The following LDLRAD3 variants were observed in gnomAD, a reference collection of about 807,000 sequenced individuals.
The protein encoded by LDLRAD3 is low-density lipoprotein receptor class A domain-containing protein 3.
LDLRAD3 carries 20 observed loss-of-function variants against 29.4 expected under a neutral mutation model. The observed-to-expected ratio is 0.68, with a 90% CI of 0.48 to 0.99. The LOEUF (loss-of-function observed/expected upper bound fraction) is 0.99, where lower values mean the gene tolerates loss of function less well. Ranked by LOEUF, LDLRAD3 falls within the 50% of genes least tolerant of loss-of-function variation. The pLI, the probability that LDLRAD3 is intolerant of heterozygous loss-of-function variation, is 0.00. For missense variants in LDLRAD3, 420 were observed against 454.3 expected, an observed-to-expected ratio of 0.92 and a Z score of 0.69; for synonymous variants, 157 against 192.7, an observed-to-expected ratio of 0.81 and a Z score of 1.53.
chr11:35,993,763 T>C lies in LDLRAD3; in HGVS notation c.47-42340T>C, dbSNP rs189411902. 1.6e-3 allele frequency among the ~76,000 whole-genome samples: 240 copies of C among 151,986 alleles called. 2 individuals are homozygous for C. Among genetic ancestry groups the C allele is most frequent in the African/African-American group, 5.6e-3 (234 of 41,426 alleles). ...GCCCAGATGAGTGGTATATTTTTAATAGGGAGAGGATTCATGAGCTGATTC... is the reference window on the plus strand; with the variant it reads ...GCCCAGATGAGTGGTATATTTTTAACAGGGAGAGGATTCATGAGCTGATTC... On this transcript the variant is annotated intron_variant, in intron 1 of 5. Coordinates refer to ENST00000315571, the MANE Select transcript of LDLRAD3 (RefSeq NM_174902.4).
chr11:36,103,894 G>T (rs117586963), intron 4 of LDLRAD3, among the ~76,000 whole-genome samples: 98 of 152,262 alleles, frequency 6.4e-4, no homozygotes, highest in Non-Finnish European at 1.1e-3. Context: ...AAGCTGAGTG[G>T]TATTCAGGTG....
At chr11:36,146,380 A>G (rs1854194381) in intron 4 of LDLRAD3, among the ~76,000 whole-genome samples, 1 of 152,206 alleles carries the variant, frequency 6.6e-6, no homozygotes. Flanking sequence ...TATAGGAGTA[A>G]TATACACCCA....
In LDLRAD3 at chr11:35,944,102, T is replaced by TGGCTGCTGGGGCCGCTGTGCC; in HGVS notation, c.5_25dup (p.Cys8_Leu9insArgLeuLeuGlyProLeuCys). 2 of 1,071,402 alleles carry TGGCTGCTGGGGCCGCTGTGCC rather than the reference T, an allele frequency of 1.9e-6. No individual in the cohort carries two copies. Among genetic ancestry groups the TGGCTGCTGGGGCCGCTGTGCC allele is most frequent in the Non-Finnish European group, 2.3e-6 (2 of 886,532 alleles). 66.4% of individuals were successfully genotyped at this position (1,071,402 alleles called of 1,614,324 possible). A position where few individuals can be genotyped will look rare whatever the true frequency, so the allele number is the denominator to read the frequency against. ...CAGCGGGAGCGGCGGCCGCGCCATG[T>TGGCTGCTGGGGCCGCTGTGCC]GGCTGCTGGGGCCGCTGTGCCTGCT... On this transcript the variant is annotated inframe_insertion, in exon 1 of 6. Transcript: ENST00000315571. The surrounding 1 kb of genome is among the most constrained non-coding windows in gnomAD (Gnocchi z 4.9).
intron 4 of LDLRAD3, among the ~76,000 whole-genome samples, chr11:36,176,506 G>T (rs1854677924): frequency 1.3e-5 from 2 of 151,822 alleles, no homozygotes; most frequent in Non-Finnish European, 2.9e-5. Context: ...GTAAGTGCTG[G>T]CTTGGTAGTG....
In LDLRAD3 at chr11:36,187,105, A is replaced by G. The variant is rs1526057; in HGVS notation, c.455-39980A>G. On this transcript the variant is annotated intron_variant, in intron 4 of 5. Transcript: ENST00000315571. ...TTTCTTAGCCTCTTCTCCTATATCC[A>G]TCTTTCCTTGGCTTCCTATTACCTT... Among the ~76,000 whole-genome samples, 93 of 151,998 alleles carry G rather than the reference A, an allele frequency of 6.1e-4. No individual in the cohort carries two copies. In the Middle Eastern group the frequency reaches 0.014, roughly 22 times the overall value.
intron 2 of LDLRAD3, among the ~76,000 whole-genome samples, chr11:36,038,429 G>T (rs955055996): frequency 1.3e-5 from 2 of 152,182 alleles, no homozygotes; most frequent in Non-Finnish European, 2.9e-5. Context: ...GGCACATACG[G>T]ATTATCGTTA....
chr11:35,960,460 T>A (rs1323732433), intron 1 of LDLRAD3, among the ~76,000 whole-genome samples: 1 of 152,204 alleles, frequency 6.6e-6, no homozygotes, highest in African/African-American at 2.4e-5. Context: ...CTCTATAAAA[T>A]GGTCCTGCCC....
intron 4 of LDLRAD3, among the ~76,000 whole-genome samples, chr11:36,210,682 C>T (rs1156633777): frequency 1.3e-5 from 2 of 152,120 alleles, no homozygotes; most frequent in Non-Finnish European, 2.9e-5. Flanking sequence ...AAATATGAGA[C>T]ATCCAAGTAC....
chr11:36,022,549 C>T (rs558169621), intron 1 of LDLRAD3, among the ~76,000 whole-genome samples: 2 of 152,030 alleles, frequency 1.3e-5, no homozygotes, highest in Admixed American at 6.6e-5. Flanking sequence ...TTTGATTACC[C>T]AGGGAGACTG....
At chr11:35,991,116 G>A (rs1267625360) in intron 1 of LDLRAD3, among the ~76,000 whole-genome samples, 1 of 152,180 alleles carries the variant, frequency 6.6e-6, no homozygotes, top group Non-Finnish European at 1.5e-5. Flanking sequence ...ATTTTCTGTT[G>A]TTTGGTAATG....
chr11:36,090,041 G>C (rs1212648435), intron 3 of LDLRAD3, among the ~76,000 whole-genome samples: 1 of 152,174 alleles, frequency 6.6e-6, no homozygotes, highest in East Asian at 1.9e-4. Context: ...TTATAGATGA[G>C]GACATTGAGG....
chr11:35,965,279 A>G (rs762391348), intron 1 of LDLRAD3, among the ~76,000 whole-genome samples: 23 of 152,346 alleles, frequency 1.5e-4, no homozygotes, highest in Non-Finnish European at 2.9e-4. Flanking sequence ...CATCAGAATG[A>G]AGGATGGTCC....
chr11:35,993,434 T>C (rs901659972), intron 1 of LDLRAD3, among the ~76,000 whole-genome samples: 2 of 152,172 alleles, frequency 1.3e-5, no homozygotes, highest in Non-Finnish European at 2.9e-5. Context: ...GATGCTATTT[T>C]CTCAGGACTG....
intron 3 of LDLRAD3, among the ~76,000 whole-genome samples, chr11:36,093,802 T>A (rs1201850529): frequency 6.6e-5 from 10 of 152,098 alleles, no homozygotes; most frequent in Non-Finnish European, 1.5e-4. Flanking sequence ...CAGCTCTCAG[T>A]GGAGAGGGGA....
At chr11:35,966,371 G>C (rs1273064157) in intron 1 of LDLRAD3, among the ~76,000 whole-genome samples, 1 of 152,220 alleles carries the variant, frequency 6.6e-6, no homozygotes, top group African/African-American at 2.4e-5. Context: ...GTTGCAGTGA[G>C]CTGAGATCGC....
chr11:35,946,650 CT>C (rs1851060887), intron 1 of LDLRAD3, among the ~76,000 whole-genome samples: 1 of 152,158 alleles, frequency 6.6e-6, no homozygotes, highest in African/African-American at 2.4e-5. Context: ...GGCAGCCATG[CT>C]GGATGATGGT....
intron 4 of LDLRAD3, among the ~76,000 whole-genome samples, chr11:36,123,590 G>A (rs1259165883): frequency 6.6e-6 from 1 of 152,276 alleles, no homozygotes; most frequent in East Asian, 1.9e-4. Flanking sequence ...TCCAGCCAGA[G>A]AGGCTGCAAG....
At chr11:36,004,027 A>G (rs943722813) in intron 1 of LDLRAD3, among the ~76,000 whole-genome samples, 1 of 152,200 alleles carries the variant, frequency 6.6e-6, no homozygotes, top group Non-Finnish European at 1.5e-5. Flanking sequence ...CTCTCCTCCA[A>G]TATGACATGA....
At chr11:36,074,767 A>G (rs983183540) in intron 2 of LDLRAD3, among the ~76,000 whole-genome samples, 2 of 152,218 alleles carry the variant, frequency 1.3e-5, no homozygotes, top group African/African-American at 4.8e-5. Context: ...ACCGTGTGTC[A>G]GAAGCTTGAA....
Sources: allele counts gnomAD v4.1 joint callset (sites outside exome capture counted in the v4.1 genomes callset), GRCh38; gene constraint gnomAD v4.1.1; non-coding constraint Gnocchi (gnomAD v3.1); transcripts MANE v1.5; gene names NCBI Gene and HGNC (gene_info 2026-07-23, HGNC 2026-07-21).